Variants in NEBL observed in about 807,000 individuals in gnomAD.
NEBL encodes the protein LIM and SH3 protein 2.
A neutral mutation model predicts 140.2 loss-of-function variants in NEBL; 122 were observed. The observed-to-expected ratio is 0.87, with a 90% confidence interval of 0.75 to 1.01. NEBL has a LOEUF of 1.01. Ranked by LOEUF, NEBL falls within the 50% of genes least tolerant of loss-of-function variation. The probability of loss-of-function intolerance (pLI) is 0.00; values close to 1 mark genes in which losing one functional copy is unlikely to be tolerated. For synonymous variants in NEBL, 436 were observed against 398.9 expected (o/e 1.09, Z -1.11); for missense variants, 1,365 against 1,231.3 (o/e 1.11, Z -1.62).
intron 3 of NEBL, among the ~76,000 whole-genome samples, chr10:21,231,840 A>G (rs972425760): frequency 2.0e-5 from 3 of 152,120 alleles, no homozygotes; most frequent in African/African-American, 7.2e-5. Flanking sequence ...ACCATGGAAC[A>G]GACCCCCTCT....
chr10:21,231,954 A>C (rs915427488), intron 3 of NEBL, among the ~76,000 whole-genome samples: 2 of 152,160 alleles, frequency 1.3e-5, no homozygotes, highest in Non-Finnish European at 2.9e-5. Context: ...TTTGCGGTTT[A>C]TACACAACTG....
At chr10:20,787,347 A>C in intron 26 of NEBL, 39 bp from the exon 27 acceptor site, 1 of 1,529,004 alleles carries the variant, frequency 6.5e-7, no homozygotes, top group Non-Finnish European at 9.0e-7. Flanking sequence ...GATTCCTTAA[A>C]GTTAGCCTCG....
chr10:21,163,095 G>T (rs1025119779), intron 2 of NEBL, among the ~76,000 whole-genome samples: 6 of 152,184 alleles, frequency 3.9e-5, no homozygotes, highest in Admixed American at 1.3e-4. Flanking sequence ...AAGAAATTTG[G>T]TGAAGGATTC....
intron 1 of NEBL, among the ~76,000 whole-genome samples, chr10:21,281,795 T>C (rs983423858): frequency 6.6e-6 from 1 of 152,200 alleles, no homozygotes. Context: ...ATAATTTCAC[T>C]GCCCTAAAAG....
intron 4 of NEBL, among the ~76,000 whole-genome samples, chr10:20,914,683 G>A (rs1220054490): frequency 2.6e-5 from 4 of 152,144 alleles, no homozygotes; most frequent in Non-Finnish European, 4.4e-5. Flanking sequence ...TGAATTTAAC[G>A]ATAACCTAGT....
chr10:21,266,085 C>A (rs1198682570), intron 1 of NEBL, among the ~76,000 whole-genome samples: 1 of 152,120 alleles, frequency 6.6e-6, no homozygotes, highest in African/African-American at 2.4e-5. Context: ...TGCTGCCCCC[C>A]ATATCTGATC....
intron 3 of NEBL, among the ~76,000 whole-genome samples, chr10:21,216,547 C>T (rs914358405): frequency 6.6e-6 from 1 of 151,806 alleles, no homozygotes; most frequent in African/African-American, 2.4e-5. Context: ...GCAAGGTAGG[C>T]GGATCATGAG....
At chr10:21,027,504 T>A (rs1454174471) in intron 2 of NEBL, among the ~76,000 whole-genome samples, 3 of 151,892 alleles carry the variant, frequency 2.0e-5, no homozygotes, top group South Asian at 2.1e-4. Flanking sequence ...ATTTTTGTAT[T>A]TTTTTGTTGA....
intron 3 of NEBL, among the ~76,000 whole-genome samples, chr10:21,183,828 GTGAAAGGTAA>G (rs1174129472): frequency 2.0e-5 from 3 of 152,168 alleles, no homozygotes; most frequent in Admixed American, 2.0e-4. Context: ...GAAGGACCCA[GTGAAAGGTAA>G]TTGAATCATG....
intron 4 of NEBL, among the ~76,000 whole-genome samples, chr10:20,936,946 A>ATT (rs1834523191): frequency 6.6e-6 from 1 of 152,224 alleles, no homozygotes; most frequent in Admixed American, 6.5e-5. Context: ...TTCATCAAAC[A>ATT]TCCCGTTTTT....
intron 9 of NEBL, among the ~76,000 whole-genome samples, chr10:20,855,992 C>T (rs1843039852): frequency 6.6e-6 from 1 of 152,084 alleles, no homozygotes; most frequent in Non-Finnish European, 1.5e-5. Flanking sequence ...TTCACAAATG[C>T]TAGATAAAGG....
chr10:21,159,390 A>T lies in NEBL; in HGVS notation c.164+12993T>A, dbSNP rs544417477. ...TTCCTTCTTCCCCTACACCGTTTGA[A>T]GGTTTTCTTAAAAGGCTAGGTGTGG... On this transcript the variant is annotated intron_variant, in intron 2 of 6. Coordinates refer to the NEBL transcript ENST00000417816. Among the ~76,000 whole-genome samples, 20 of 152,286 alleles carry T rather than the reference A, an allele frequency of 1.3e-4. No homozygotes were observed. In the South Asian group the frequency reaches 3.9e-3, roughly 30 times the overall value.
chr10:20,941,384 A>AC (rs1297609884), intron 4 of NEBL, among the ~76,000 whole-genome samples: 5 of 151,876 alleles, frequency 3.3e-5, no homozygotes, highest in Non-Finnish European at 7.4e-5. Context: ...AAATTCAACA[A>AC]CCTTCATGCT....
intron 3 of NEBL, among the ~76,000 whole-genome samples, chr10:21,230,254 TC>T (rs1300353536): frequency 6.6e-6 from 1 of 152,170 alleles, no homozygotes; most frequent in Non-Finnish European, 1.5e-5. Flanking sequence ...TCCCTTCTGA[TC>T]TTCACTATGA....
Position 20,952,313 on chromosome 10 carries a change from T to G in NEBL, c.357+9359A>C, listed in dbSNP as rs183292282. Among the ~76,000 whole-genome samples the G allele has an allele frequency of 5.7e-3, 865 of 152,080 alleles. 10 individuals carry two copies. Among genetic ancestry groups the G allele is most frequent in the African/African-American group, 0.02 (829 of 41,496 alleles). ...TTAGCTGGGCGTGGTGCCAGGCACCTGTAGTCCCAGCTACTAGGGAGGCTG... is the reference window on the plus strand; with the variant it reads ...TTAGCTGGGCGTGGTGCCAGGCACCGGTAGTCCCAGCTACTAGGGAGGCTG... On this transcript the variant is annotated intron_variant, in intron 4 of 6. Transcript: ENST00000417816.
intron 2 of NEBL, among the ~76,000 whole-genome samples, chr10:21,094,041 T>C (rs1217044696): frequency 6.6e-6 from 1 of 152,234 alleles, no homozygotes; most frequent in Non-Finnish European, 1.5e-5. Flanking sequence ...ACTTAATTTG[T>C]TCTTATGGGT....
At chr10:21,093,207 A>G (rs1038293804) in intron 2 of NEBL, among the ~76,000 whole-genome samples, 2 of 114,990 alleles carry the variant, frequency 1.7e-5, no homozygotes, top group African/African-American at 7.1e-5. Flanking sequence ...AAGATATGGT[A>G]TCTTTTCACT....
chr10:21,020,664 C>T (rs1838753193), intron 2 of NEBL, among the ~76,000 whole-genome samples: 1 of 152,200 alleles, frequency 6.6e-6, no homozygotes, highest in Admixed American at 6.5e-5. Flanking sequence ...TAATGACTTT[C>T]TGTGGACACA....
At position 20,913,943 on chromosome 10, in the gene NEBL, C is replaced by T. The variant is rs117417416; in HGVS notation, c.357+47729G>A. Among the ~76,000 whole-genome samples, 435 of 152,168 alleles carry T rather than the reference C, an allele frequency of 2.9e-3. 3 individuals carry two copies. Among genetic ancestry groups the T allele is most frequent in the Non-Finnish European group, 4.6e-3 (313 of 67,998 alleles). ...AATACCAATATACATATTTTGGAAA[C>T]GGTCATTCTTGAAAACAGGATAGAC... is the stretch of plus-strand genomic sequence containing the variant. On this transcript the variant is annotated intron_variant, in intron 4 of 6. Transcript: ENST00000417816.
Sources: gnomAD v4.1 joint callset for allele counts (sites outside exome capture counted in the v4.1 genomes callset) on GRCh38, gnomAD v4.1.1 for gene constraint, MANE v1.5 for transcripts, NCBI Gene and HGNC (gene_info 2026-07-23, HGNC 2026-07-21) for gene names.